The following OCA2 variants were observed in gnomAD, a reference collection of about 807,000 sequenced individuals.
OCA2 encodes the protein OCA2 melanosomal transmembrane protein.
OCA2 carries 77 observed loss-of-function variants against 100.2 expected under a neutral mutation model. The observed-to-expected ratio is 0.77, with a 90% CI of 0.64 to 0.93. The LOEUF (loss-of-function observed/expected upper bound fraction) is 0.93. Ranked by LOEUF, OCA2 falls within the 40% of genes least tolerant of loss-of-function variation. The pLI, the probability that OCA2 is intolerant of heterozygous loss-of-function variation, is 0.00. For missense variants in OCA2, 1,062 were observed against 1,089.1 expected (o/e 0.98, Z 0.35); for synonymous variants, 432 against 439.2 (o/e 0.98, Z 0.21).
chr15:27,873,977 G>A (rs1394959724), intron 19 of OCA2, among the ~76,000 whole-genome samples: 3 of 152,160 alleles, frequency 2.0e-5, no homozygotes, highest in Admixed American at 6.5e-5. Context: ...AAAGATGATT[G>A]TGTGGTATAA....
chr15:28,023,368 A>G (rs866441363), intron 5 of OCA2, among the ~76,000 whole-genome samples: 3 of 152,282 alleles, frequency 2.0e-5, no homozygotes, highest in African/African-American at 7.2e-5. Context: ...ACTCAGCTCA[A>G]TGCAATCAGC....
intron 19 of OCA2, among the ~76,000 whole-genome samples, chr15:27,893,442 C>T (rs1012279810): frequency 6.6e-6 from 1 of 152,120 alleles, no homozygotes; most frequent in Non-Finnish European, 1.5e-5. Context: ...GGTCTGACTG[C>T]CTGTGGGGTC....
intron 14 of OCA2, among the ~76,000 whole-genome samples, chr15:27,977,492 T>C (rs1457374504): frequency 5.9e-5 from 9 of 152,150 alleles, no homozygotes; most frequent in Non-Finnish European, 1.0e-4. Flanking sequence ...AGCTGAGTAA[T>C]TGCAATGGAG....
At chr15:28,068,845 T>C (rs560885802) in intron 2 of OCA2, among the ~76,000 whole-genome samples, 1 of 152,326 alleles carries the variant, frequency 6.6e-6, no homozygotes, top group African/African-American at 2.4e-5. Flanking sequence ...CAAAACTGTA[T>C]GATCATCTCA....
At chr15:27,781,633 A>C (rs2032544554) in intron 23 of OCA2, among the ~76,000 whole-genome samples, 1 of 152,124 alleles carries the variant, frequency 6.6e-6, no homozygotes, top group Non-Finnish European at 1.5e-5. Flanking sequence ...CCTTTCTTAT[A>C]TATATTATTA....
intron 18 of OCA2, 143 bp downstream of exon 18, chr15:27,951,641 G>C (rs1240619481): frequency 1.4e-6 from 1 of 713,438 alleles, no homozygotes; most frequent in African/African-American, 1.8e-5. Context: ...CCCAGGGCAG[G>C]CTGCCCACCC....
chr15:28,093,714 G>A (rs2044912891), intron 1 of OCA2, among the ~76,000 whole-genome samples: 1 of 152,164 alleles, frequency 6.6e-6, no homozygotes, highest in South Asian at 2.1e-4. Context: ...GTAGGGGAGT[G>A]TGAAATAGGC....
chr15:28,033,863 C>T (rs945249497), intron 2 of OCA2, among the ~76,000 whole-genome samples: 2 of 152,126 alleles, frequency 1.3e-5, no homozygotes, highest in Non-Finnish European at 2.9e-5. Flanking sequence ...TAGAAAATGT[C>T]ACAGTGAGTG....
chr15:27,773,355 C>T (rs1358768291), intron 23 of OCA2, among the ~76,000 whole-genome samples: 2 of 152,034 alleles, frequency 1.3e-5, no homozygotes, highest in South Asian at 4.2e-4. Flanking sequence ...TCCTTTGACC[C>T]GCCTAATAGA....
intron 4 of OCA2, among the ~76,000 whole-genome samples, chr15:28,027,139 T>C (rs146339311): frequency 6.6e-6 from 1 of 152,196 alleles, no homozygotes; most frequent in African/African-American, 2.4e-5. Flanking sequence ...AGGAAACCCA[T>C]TAGATAAATA....
chr15:27,926,814 A>G (rs1203156381), intron 18 of OCA2, among the ~76,000 whole-genome samples: 3 of 152,040 alleles, frequency 2.0e-5, no homozygotes, highest in African/African-American at 7.2e-5. Flanking sequence ...AGGTTTCACT[A>G]TGTTGACCAG....
chr15:27,778,876 A>C (rs1439144880), intron 23 of OCA2, among the ~76,000 whole-genome samples: 3 of 152,238 alleles, frequency 2.0e-5, no homozygotes, highest in Non-Finnish European at 4.4e-5. Context: ...ACATGCAGGA[A>C]TTTCACTTAA....
intron 4 of OCA2, among the ~76,000 whole-genome samples, chr15:28,026,630 G>A (rs553311232): frequency 7.2e-5 from 11 of 152,260 alleles, no homozygotes; most frequent in African/African-American, 2.6e-4. Flanking sequence ...TGTGGCCTTG[G>A]GCAAAAGCCT....
At chr15:27,788,960 T>G (rs1160167645) in intron 23 of OCA2, among the ~76,000 whole-genome samples, 1 of 152,222 alleles carries the variant, frequency 6.6e-6, no homozygotes, top group East Asian at 1.9e-4. Context: ...TAACCTAATT[T>G]CATTAAAACC....
chr15:27,906,809 T>C (rs1567089007), intron 19 of OCA2, among the ~76,000 whole-genome samples: 1 of 152,166 alleles, frequency 6.6e-6, no homozygotes, highest in Non-Finnish European at 1.5e-5. Flanking sequence ...GGCTCATGGT[T>C]CTGTAGCCTC....
Position 27,939,559 on chromosome 15 carries a change from G to T in OCA2, c.1951+12225C>A, listed in dbSNP as rs1258979525. On this transcript the variant is annotated intron_variant, in intron 18 of 23. Coordinates refer to ENST00000354638, the MANE Select transcript of OCA2 (RefSeq NM_000275.3). Reference sequence around the variant, plus strand: ...CATATGCTCATTTATTCATTAAAATGAGTAATCCTTACACAAGAATAACTA... The same window carrying T: ...CATATGCTCATTTATTCATTAAAATTAGTAATCCTTACACAAGAATAACTA... Among the ~76,000 whole-genome samples the T allele has an allele frequency of 3.9e-5, 6 of 152,338 alleles. No individual in the cohort carries two copies. The South Asian group carries it at 8.3e-4, about 21-fold the overall frequency.
chr15:28,041,188 G>A (rs1020118345), intron 2 of OCA2, among the ~76,000 whole-genome samples: 1 of 151,934 alleles, frequency 6.6e-6, no homozygotes, highest in African/African-American at 2.4e-5. Context: ...ATTTATTCCT[G>A]GTATACTGAG....
chr15:27,732,259 C>T, the OCA2 span, among the ~76,000 whole-genome samples: 1 of 152,190 alleles, frequency 6.6e-6, no homozygotes, highest in South Asian at 2.1e-4. Flanking sequence ...ATCTTCCCTT[C>T]TCAAAGTGGA....
intron 15 of OCA2, among the ~76,000 whole-genome samples, chr15:27,959,310 GAA>G (rs890513048): frequency 6.6e-6 from 1 of 152,188 alleles, no homozygotes; most frequent in African/African-American, 2.4e-5. Context: ...ATTTCCTCTT[GAA>G]AAGTCTCACA....
Sources: gnomAD v4.1 joint callset for allele counts (sites outside exome capture counted in the v4.1 genomes callset) on GRCh38, gnomAD v4.1.1 for gene constraint, MANE v1.5 for transcripts, NCBI Gene and HGNC (gene_info 2026-07-23, HGNC 2026-07-21) for gene names.